The following ZNRF3 variants were observed in gnomAD, a reference collection of about 807,000 sequenced individuals.
ZNRF3 encodes zinc and ring finger 3.
In ZNRF3, 23 loss-of-function variants were observed where a neutral mutation model predicts 72.5. The ratio of observed to expected loss-of-function variants is 0.32; its 90% confidence interval spans 0.23 to 0.45. ZNRF3 has a LOEUF of 0.45. ZNRF3 is among the 20% of genes least tolerant of loss of function. The pLI, the probability that ZNRF3 is intolerant of heterozygous loss-of-function variation, is 1.00. For synonymous variants in ZNRF3, 610 were observed against 545.3 expected (o/e 1.12, Z -1.65); for missense variants, 1,169 against 1,272.1 (o/e 0.92, Z 1.23).
chr22:28,971,209 T>A (rs369406416), intron 1 of ZNRF3, among the ~76,000 whole-genome samples: 43 of 152,152 alleles, frequency 2.8e-4, no homozygotes, highest in Admixed American at 7.9e-4. Flanking sequence ...TTTTTTTTTT[T>A]AATTACTGAA....
chr22:28,934,256 T>C (rs2123780885), intron 1 of ZNRF3, among the ~76,000 whole-genome samples: 1 of 152,138 alleles, frequency 6.6e-6, no homozygotes, highest in Non-Finnish European at 1.5e-5. Flanking sequence ...CTGTATAGAG[T>C]GCTTTGGAGT....
intron 1 of ZNRF3, among the ~76,000 whole-genome samples, chr22:28,961,017 C>T (rs1395470266): frequency 6.6e-6 from 1 of 152,164 alleles, no homozygotes; most frequent in Non-Finnish European, 1.5e-5. Flanking sequence ...TCCTTTTGCT[C>T]TAACAAAATA....
At chr22:28,914,809 C>T (rs538035999) in intron 1 of ZNRF3, among the ~76,000 whole-genome samples, 259 of 144,502 alleles carry the variant, frequency 1.8e-3, no homozygotes, top group African/African-American at 6.2e-3. Flanking sequence ...AATGAAACTC[C>T]GTCTCAAAAA....
In ZNRF3 at chr22:29,029,426, T is replaced by G. The variant is rs562539990; in HGVS notation, c.427-13069T>G. Among the ~76,000 whole-genome samples, 27 of 152,316 alleles carry G rather than the reference T, an allele frequency of 1.8e-4. No individual in the cohort carries two copies. In the South Asian group the frequency reaches 5.6e-3, roughly 32 times the overall value. The stretch of plus-strand genomic sequence containing the variant: ...CCTGATTCAGCAATTTTCTAACACC[T>G]TCATTTGCCTCATTGTAAGTAGTCC... On this transcript the variant is annotated intron_variant, in intron 2 of 8. Coordinates refer to ENST00000544604, the MANE Select transcript of ZNRF3 (RefSeq NM_001206998.2).
rs1156438178 is a variant in ZNRF3 at position 28,883,584 on chromosome 22, C to T, written c.-183C>T. ...CTGCCGGGGCGGGGATAACCCCTCA[C>T]GTGGAGCAGATGAAAGGGCCGCGGC... On this transcript the variant is annotated 5_prime_UTR_variant, in exon 1 of 9. It adds an upstream start codon to the 5' untranslated region. Coordinates refer to ENST00000544604, the MANE Select transcript of ZNRF3 (RefSeq NM_001206998.2). This position sits in a 1 kb window ranked among gnomAD's most constrained non-coding sequence, Gnocchi z 5.5. The T allele has an allele frequency of 9.6e-5, 48 of 498,586 alleles. No homozygotes were observed. Among genetic ancestry groups the T allele is most frequent in the Non-Finnish European group, 1.1e-4 (43 of 385,278 alleles). The allele number at this position is 498,586 out of a possible 1,614,324, so 30.9% of individuals were successfully genotyped here. A position where few individuals can be genotyped will look rare whatever the true frequency, so the allele number is the denominator to read the frequency against.
intron 1 of ZNRF3, among the ~76,000 whole-genome samples, chr22:28,888,211 C>T (rs1168597892): frequency 1.3e-5 from 2 of 152,108 alleles, no homozygotes; most frequent in Non-Finnish European, 2.9e-5. Context: ...CTTAAATATC[C>T]GATGTTAAGT....
intron 1 of ZNRF3, among the ~76,000 whole-genome samples, chr22:28,896,129 A>ATTTATT (rs1245820893): frequency 7.4e-6 from 1 of 135,220 alleles, no homozygotes; most frequent in Non-Finnish European, 1.6e-5. Flanking sequence ...TTTTATTTTT[A>ATTTATT]TTTATTTTTA....
chr22:29,014,980 G>A (rs942043773), intron 2 of ZNRF3, among the ~76,000 whole-genome samples: 4 of 152,216 alleles, frequency 2.6e-5, no homozygotes, highest in African/African-American at 9.7e-5. Flanking sequence ...TCTGTTCTTT[G>A]ACACATCTGC....
chr22:28,948,917 T>A (rs1171409016), intron 1 of ZNRF3, among the ~76,000 whole-genome samples: 1 of 152,248 alleles, frequency 6.6e-6, no homozygotes, highest in Non-Finnish European at 1.5e-5. Flanking sequence ...ATTCACTTAG[T>A]CATGTAGCTC....
Position 29,049,703 on chromosome 22 carries a change from C to T in ZNRF3, c.1522C>T (p.Leu508Phe), listed in dbSNP as rs1234709542. ...TCCTCCGAGCGGCAGTGGCAGCCTG[C>T]TCTTCCCCACCGTGGTGCACGTGGC... The part of the protein sequence containing the change: ...AFPPSGSGSL[L>F]FPTVVHVAPP... The change falls in exon 8 of 9, where the codon CTC becomes TTC. Residue 508 changes from leucine to phenylalanine, a missense_variant. This residue lies in a region of ZNRF3 where 783 missense variants were observed against 731.4 expected (regional missense o/e 1.07). Coordinates refer to ENST00000544604, the MANE Select transcript of ZNRF3 (RefSeq NM_001206998.2). This position sits in a 1 kb window ranked among gnomAD's most constrained non-coding sequence, Gnocchi z 5.2. The T allele has an allele frequency of 5.0e-6, 8 of 1,605,468 alleles. No homozygotes were observed. The highest frequency in any genetic ancestry group is 6.8e-6 in the Non-Finnish European group (8 of 1,177,916).
At chr22:28,967,443 G>A (rs2035490217) in intron 1 of ZNRF3, among the ~76,000 whole-genome samples, 1 of 152,208 alleles carries the variant, frequency 6.6e-6, no homozygotes, top group African/African-American at 2.4e-5. Context: ...CTGTCATGAG[G>A]TGACACGTAA....
chr22:28,921,008 C>G (rs946301747), intron 1 of ZNRF3, among the ~76,000 whole-genome samples: 15 of 152,234 alleles, frequency 9.9e-5, no homozygotes, highest in Non-Finnish European at 2.1e-4. Flanking sequence ...ACATGCTTCT[C>G]CTTTTCACCT....
chr22:29,031,782 C>T (rs1351356505), intron 2 of ZNRF3, among the ~76,000 whole-genome samples: 1 of 152,184 alleles, frequency 6.6e-6, no homozygotes, highest in Admixed American at 6.5e-5. Flanking sequence ...GGGTGCTCTC[C>T]ATCGTGTTAA....
In ZNRF3 at chr22:28,949,197, C is replaced by T. The variant is rs571971370; in HGVS notation, c.301-37879C>T. ...TTCACCATGTTGGTCAGGCTGGTCT[C>T]GAACTCCTGACCTCAGGTGATCCAT... On this transcript the variant is annotated intron_variant, in intron 1 of 8. Transcript: ENST00000544604. Among the ~76,000 whole-genome samples, 6 of 152,188 alleles carry T rather than the reference C, an allele frequency of 3.9e-5. No individual in the cohort carries two copies. In the South Asian group the frequency reaches 1.2e-3, roughly 32 times the overall value.
At chr22:28,980,488 C>T (rs749033477) in intron 1 of ZNRF3, among the ~76,000 whole-genome samples, 1 of 152,130 alleles carries the variant, frequency 6.6e-6, no homozygotes, top group South Asian at 2.1e-4. Context: ...TCCTTCCTTC[C>T]CAAAATATCC....
At position 29,054,377 on chromosome 22, in the gene ZNRF3, A is replaced by C. The variant is rs1440053774; in HGVS notation, c.*755A>C. On this transcript the variant is annotated 3_prime_UTR_variant, in exon 9 of 9. Coordinates refer to ENST00000544604, the MANE Select transcript of ZNRF3 (RefSeq NM_001206998.2). The stretch of plus-strand genomic sequence containing the variant: ...CAGGGTGATGGGGACGATTCTGCCC[A>C]GTGTCCTCAGTCTGTCCCCTCAGGT... The C allele has an allele frequency of 6.6e-6, 1 of 152,410 alleles. No individual in the cohort carries two copies. The highest frequency in any genetic ancestry group is 2.4e-5 in the African/African-American group (1 of 41,462). 9.4% of individuals were successfully genotyped at this position (152,410 alleles called of 1,614,324 possible). A position where few individuals can be genotyped will look rare whatever the true frequency, so the allele number is the denominator to read the frequency against.
intron 1 of ZNRF3, among the ~76,000 whole-genome samples, chr22:28,890,797 G>A (rs2033872087): frequency 6.7e-6 from 1 of 149,608 alleles, no homozygotes; most frequent in South Asian, 2.1e-4. Flanking sequence ...TCACCATGTT[G>A]CCCAGGCTAG....
intron 1 of ZNRF3, among the ~76,000 whole-genome samples, chr22:28,893,742 C>T (rs968067633): frequency 6.6e-6 from 1 of 152,232 alleles, no homozygotes; most frequent in Non-Finnish European, 1.5e-5. Context: ...AAGCAATTCA[C>T]CCGCCTTGGC....
chr22:28,893,698 A>G (rs1444823171), intron 1 of ZNRF3, among the ~76,000 whole-genome samples: 1 of 152,048 alleles, frequency 6.6e-6, no homozygotes, highest in Non-Finnish European at 1.5e-5. Flanking sequence ...GGGTTTCCCC[A>G]TGTTGCTCAG....
Sources: gnomAD v4.1 joint callset for allele counts (sites outside exome capture counted in the v4.1 genomes callset) on GRCh38, gnomAD v4.1.1 for gene constraint, gnomAD v4.1.1 regional missense constraint, Gnocchi (gnomAD v3.1) non-coding constraint, MANE v1.5 for transcripts, NCBI Gene and HGNC (gene_info 2026-07-23, HGNC 2026-07-21) for gene names.